The following SLC30A7 variants were observed in gnomAD, a reference collection of about 807,000 sequenced individuals.
SLC30A7 encodes solute carrier family 30 member 7.
In SLC30A7, 35 loss-of-function variants were observed where a neutral mutation model predicts 46.0. That is an observed-to-expected ratio of 0.76 (90% CI 0.58 to 1.01). SLC30A7 has a LOEUF of 1.01. SLC30A7 is among the 50% of genes least tolerant of loss of function. The probability of loss-of-function intolerance (pLI) is 0.00; values close to 1 mark genes in which losing one functional copy is unlikely to be tolerated. For missense variants in SLC30A7, 464 were observed against 451.1 expected, an observed-to-expected ratio of 1.03 and a Z score of -0.26; for synonymous variants, 147 against 157.8, an observed-to-expected ratio of 0.93 and a Z score of 0.51.
chr1:100,915,273 C>CT (rs1652464883), intron 6 of SLC30A7, among the ~76,000 whole-genome samples: 1 of 101,058 alleles, frequency 9.9e-6, no homozygotes, highest in Non-Finnish European at 2.1e-5. Flanking sequence ...TTCTTTCTTT[C>CT]TACTTTTGCA....
intron 9 of SLC30A7, 123 bp downstream of exon 9, chr1:100,962,041 AC>A: frequency 1.8e-6 from 1 of 546,246 alleles, no homozygotes; most frequent in South Asian, 3.1e-5. Flanking sequence ...TTGAATGCTG[AC>A]CATGAAATGT....
rs1328076257 is a variant in SLC30A7, at chr1:100,938,756, C to CATCT, written c.842+16916_842+16919dup. Among the ~76,000 whole-genome samples, 3 of 152,212 alleles carry CATCT rather than the reference C, an allele frequency of 2.0e-5. No individual in the cohort carries two copies. The East Asian group carries it at 5.8e-4, about 29-fold the overall frequency. ...TACCTTTCCAAGGTCAGCAAGAGAGCATCTGATCTCAGGGAGAGCTCCAGT... is the reference window on the plus strand; with the variant it reads ...TACCTTTCCAAGGTCAGCAAGAGAGCATCTATCTGATCTCAGGGAGAGCTCCAGT... On this transcript the variant is annotated intron_variant, in intron 8 of 10. Coordinates refer to ENST00000357650, the MANE Select transcript of SLC30A7 (RefSeq NM_133496.5).
At chr1:100,955,672 G>A (rs540102277) in intron 8 of SLC30A7, among the ~76,000 whole-genome samples, 7 of 152,148 alleles carry the variant, frequency 4.6e-5, no homozygotes, top group African/African-American at 1.7e-4. Context: ...ATAGATCCAA[G>A]CTAAAATCTG....
chr1:100,902,524 G>C (rs1015384183), intron 2 of SLC30A7, among the ~76,000 whole-genome samples: 4 of 152,274 alleles, frequency 2.6e-5, no homozygotes, highest in Middle Eastern at 3.4e-3. Context: ...CCACAAACTA[G>C]GTGGCTTAAA....
intron 8 of SLC30A7, among the ~76,000 whole-genome samples, chr1:100,948,451 C>A (rs941248765): frequency 6.6e-6 from 1 of 152,186 alleles, no homozygotes; most frequent in African/African-American, 2.4e-5. Context: ...GTAACCCGAC[C>A]TTTCTCTCTG....
chr1:100,917,019 C>T (rs1652607649), intron 6 of SLC30A7, among the ~76,000 whole-genome samples: 1 of 152,054 alleles, frequency 6.6e-6, no homozygotes, highest in Non-Finnish European at 1.5e-5. Flanking sequence ...TATTTGGTTC[C>T]TTTGCCTTGC....
In SLC30A7 at chr1:100,978,946, C is replaced by A. The variant is rs1656734732; in HGVS notation, c.*4089C>A. ...ATCCAATTTAAGGATTGCTTAGTTT[C>A]TTTATTTTGTTTATGGTCTCTGAAC... On this transcript the variant is annotated 3_prime_UTR_variant, in exon 11 of 11. Transcript: ENST00000357650. 2 of 152,076 alleles carry A rather than the reference C, an allele frequency of 1.3e-5. No individual in the cohort carries two copies. The highest frequency in any genetic ancestry group is 2.4e-5 in the African/African-American group (1 of 41,424). The allele number at this position is 152,076 out of a possible 1,614,324, so 9.4% of individuals were successfully genotyped here.
chr1:100,948,900 G>T (rs1318738171), intron 8 of SLC30A7, among the ~76,000 whole-genome samples: 1 of 152,058 alleles, frequency 6.6e-6, no homozygotes, highest in Non-Finnish European at 1.5e-5. Flanking sequence ...GTCATTTAAG[G>T]TCTTCTCTAC....
At chr1:100,911,479 C>T (rs934423750) in intron 4 of SLC30A7, among the ~76,000 whole-genome samples, 6 of 151,766 alleles carry the variant, frequency 4.0e-5, no homozygotes, top group African/African-American at 1.5e-4. Flanking sequence ...TAACATTTGG[C>T]GTATTTTTTA....
chr1:100,990,807 G>A, the SLC30A7 span, among the ~76,000 whole-genome samples: 1 of 152,142 alleles, frequency 6.6e-6, no homozygotes, highest in South Asian at 2.1e-4. Context: ...TAAATCATTT[G>A]TATTACCTAA....
intron 2 of SLC30A7, among the ~76,000 whole-genome samples, chr1:100,904,135 C>T (rs1176398866): frequency 1.3e-5 from 2 of 152,108 alleles, no homozygotes; most frequent in African/African-American, 4.8e-5. Context: ...AGTTAAGTAA[C>T]TTACTGGTCA....
At chr1:100,982,320 C>G (rs755064940), downstream of SLC30A7, among the ~76,000 whole-genome samples, 15 of 152,232 alleles carry the variant, frequency 9.9e-5, no homozygotes, top group South Asian at 2.1e-4. Context: ...TTTGCTGCTT[C>G]TACCTCCTTT....
intron 8 of SLC30A7, among the ~76,000 whole-genome samples, chr1:100,942,609 G>GA (rs1195420271): frequency 6.6e-6 from 1 of 152,174 alleles, no homozygotes; most frequent in Non-Finnish European, 1.5e-5. Flanking sequence ...GGCCATCTGG[G>GA]AAACACAAAC....
At chr1:100,985,347 C>T (rs902453230), downstream of SLC30A7, among the ~76,000 whole-genome samples, 5 of 152,090 alleles carry the variant, frequency 3.3e-5, no homozygotes, top group Non-Finnish European at 1.5e-5. Context: ...CAGAATAAAC[C>T]CCAAAATATC....
Position 100,935,406 on chromosome 1 carries a change from G to A in SLC30A7, c.842+13565G>A, listed in dbSNP as rs185132380. Among the ~76,000 whole-genome samples, 173 of 152,248 alleles carry A rather than the reference G, an allele frequency of 1.1e-3. 1 individual carries two copies. Among genetic ancestry groups the A allele is most frequent in the African/African-American group, 4.1e-3 (169 of 41,536 alleles). ...AGAAACCAAAACTAGTTCTTTTTACGATTTTTGCTACAATCTGGTGAAGTG... is the reference window on the plus strand; with the variant it reads ...AGAAACCAAAACTAGTTCTTTTTACAATTTTTGCTACAATCTGGTGAAGTG... On this transcript the variant is annotated intron_variant, in intron 8 of 10. Coordinates refer to ENST00000357650, the MANE Select transcript of SLC30A7 (RefSeq NM_133496.5).
chr1:100,994,515 G>A, the SLC30A7 span, among the ~76,000 whole-genome samples: 4 of 151,296 alleles, frequency 2.6e-5, no homozygotes, highest in African/African-American at 9.7e-5. Context: ...TCAACTAGAG[G>A]CAGACTCAGG....
At chr1:100,929,674 T>C (rs1387561119) in intron 8 of SLC30A7, among the ~76,000 whole-genome samples, 1 of 152,106 alleles carries the variant, frequency 6.6e-6, no homozygotes, top group African/African-American at 2.4e-5. Context: ...CAGCGTTCCA[T>C]TTTCACTTCC....
chr1:100,923,685 C>T (rs901334913), intron 8 of SLC30A7, among the ~76,000 whole-genome samples: 4 of 152,016 alleles, frequency 2.6e-5, no homozygotes, highest in East Asian at 1.9e-4. Flanking sequence ...ATGCTGAGGC[C>T]GGAGGATCTC....
At chr1:100,934,672 A>G (rs1323911930) in intron 8 of SLC30A7, among the ~76,000 whole-genome samples, 3 of 149,944 alleles carry the variant, frequency 2.0e-5, no homozygotes, top group South Asian at 4.2e-4. Context: ...CAATACCTAT[A>G]TATATATATA....
Sources: gnomAD v4.1 joint callset for allele counts (sites outside exome capture counted in the v4.1 genomes callset) on GRCh38, gnomAD v4.1.1 for gene constraint, MANE v1.5 for transcripts, NCBI Gene and HGNC (gene_info 2026-07-23, HGNC 2026-07-21) for gene names.